Variants in SCNN1A observed in about 807,000 individuals in gnomAD.
SCNN1A encodes the protein sodium channel epithelial 1 subunit alpha, also known as epithelial sodium channel subunit alpha.
SCNN1A carries 65 observed loss-of-function variants against 68.6 expected under a neutral mutation model. The ratio of observed to expected loss-of-function variants is 0.95; its 90% CI spans 0.78 to 1.16. The LOEUF (loss-of-function observed/expected upper bound fraction) is 1.16. Among genes scored for constraint, SCNN1A ranks in the 50% most tolerant of loss-of-function variants. SCNN1A has a pLI of 0.00. For synonymous variants in SCNN1A, 357 were observed against 353.3 expected, an observed-to-expected ratio of 1.01 and a Z score of -0.12; for missense variants, 880 against 865.9, an observed-to-expected ratio of 1.02 and a Z score of -0.20.
rs868530581 is a variant in SCNN1A at position 6,349,275 on chromosome 12, G to A, written c.1439+52C>T. On this transcript the variant is annotated intron_variant, in intron 9 of 12. Transcript: ENST00000228916. Reference sequence around the variant, plus strand: ...GGGGCAGAGCTCTCCCAAATGCTTGGCTCGGTAACCTGTATTCTACCCAAC... The same window carrying A: ...GGGGCAGAGCTCTCCCAAATGCTTGACTCGGTAACCTGTATTCTACCCAAC... 4.3e-6 allele frequency: 7 copies of A among 1,613,024 alleles called. No homozygotes were observed. In the Middle Eastern group the frequency reaches 4.9e-4, roughly 114 times the overall value.
At chr12:6,376,822 C>T (rs530607445), upstream of SCNN1A, among the ~76,000 whole-genome samples, 8 of 152,320 alleles carry the variant, frequency 5.3e-5, no homozygotes, top group South Asian at 1.7e-3. Flanking sequence ...TGGTCACTGG[C>T]TTGTCCTGCC....
chr12:6,366,987 C>A (rs1368234178), intron 2 of SCNN1A, among the ~76,000 whole-genome samples: 5 of 152,122 alleles, frequency 3.3e-5, no homozygotes, highest in Non-Finnish European at 5.9e-5. Context: ...ACCTGTAATT[C>A]CAGAATTTTG....
intron 2 of SCNN1A, among the ~76,000 whole-genome samples, chr12:6,369,553 C>T (rs1948748372): frequency 6.6e-6 from 1 of 152,174 alleles, no homozygotes; most frequent in African/African-American, 2.4e-5. Flanking sequence ...GACGGAATGG[C>T]CGGGCGCGGT....
intron 8 of SCNN1A, among the ~76,000 whole-genome samples, chr12:6,352,628 C>G (rs1948407080): frequency 6.6e-6 from 1 of 152,210 alleles, no homozygotes; most frequent in Admixed American, 6.5e-5. Context: ...TGGGACGTGT[C>G]ACATCCTCCC....
In SCNN1A at chr12:6,351,914, C is replaced by T. The variant is rs1948395082; in HGVS notation, c.1361-2509G>A. Among the ~76,000 whole-genome samples, 1 of 152,024 alleles carries T rather than the reference C, an allele frequency of 6.6e-6. No individual in the cohort carries two copies. The highest frequency in any genetic ancestry group is 6.5e-5 in the Admixed American group (1 of 15,268). Reference sequence around the variant, plus strand: ...GGCTGGGTCTGCAGGTGTGCACCACCATGCCCAGCTAATTTTTGTAAAGAC... The same window carrying T: ...GGCTGGGTCTGCAGGTGTGCACCACTATGCCCAGCTAATTTTTGTAAAGAC... On this transcript the variant is annotated intron_variant, in intron 8 of 12. Transcript: ENST00000228916. This position sits in a 1 kb window ranked among gnomAD's most constrained non-coding sequence, Gnocchi z 4.2.
chr12:6,371,271 A>G (rs1199549565), intron 2 of SCNN1A, among the ~76,000 whole-genome samples: 1 of 151,580 alleles, frequency 6.6e-6, no homozygotes, highest in Non-Finnish European at 1.5e-5. Flanking sequence ...GGGGCTCATT[A>G]ACCTGTTTAC....
intron 3 of SCNN1A, 36 bp downstream of exon 3, chr12:6,363,407 G>A (rs1948615307): frequency 6.7e-7 from 1 of 1,485,924 alleles, no homozygotes; most frequent in Non-Finnish European, 8.9e-7. Context: ...GGGCCGGCGA[G>A]GGGCGGGGCG....
At chr12:6,349,278 C>G in intron 9 of SCNN1A, 49 bp downstream of exon 9, 3 of 1,613,180 alleles carry the variant, frequency 1.9e-6, no homozygotes, top group Non-Finnish European at 2.5e-6. Context: ...ATGCTTGGCT[C>G]GGTAACCTGT....
chr12:6,368,830 C>A (rs1449872012), intron 2 of SCNN1A, among the ~76,000 whole-genome samples: 1 of 152,160 alleles, frequency 6.6e-6, no homozygotes, highest in Non-Finnish European at 1.5e-5. Flanking sequence ...CTGTGTAACT[C>A]GGGGTAAGTG....
chr12:6,359,764 CTTTT>C (rs59652159), intron 4 of SCNN1A, among the ~76,000 whole-genome samples: 4,782 of 76,788 alleles, frequency 0.062, 188 homozygotes, highest in African/African-American at 0.17. Flanking sequence ...TCAGATATTC[CTTTT>C]TTTTTTTTTT....
chr12:6,354,945 G>C (rs1948470883), intron 6 of SCNN1A, 97 bp from the exon 7 acceptor site: 4 of 1,032,200 alleles, frequency 3.9e-6, no homozygotes. Flanking sequence ...ACACCTGCCA[G>C]CCCCTCCTAC....
intron 5 of SCNN1A, 43 bp downstream of exon 5, chr12:6,355,734 G>T: frequency 1.5e-6 from 2 of 1,354,970 alleles, no homozygotes; most frequent in Non-Finnish European, 2.1e-6. Context: ...CAGGTGAGTG[G>T]CTGAAGCAGA....
At position 6,355,341 on chromosome 12, in the gene SCNN1A, T is replaced by C. The variant is rs149430403; in HGVS notation, c.1074A>G (p.Glu358=). 2.4e-5 allele frequency: 38 copies of C among 1,613,792 alleles called. No homozygotes were observed. In the African/African-American group the frequency reaches 4.7e-4, roughly 20 times the overall value. Residue 358 remains glutamate, a synonymous_variant, in exon 6 of 13, where the codon GAA becomes GAG. Transcript: ENST00000228916. ...AGCCACCATCATCCATAAAGGCAGG[T>C]TCATCCTGCCCGTGCACCATTACCC... The part of the protein sequence containing the change: ...GARVMVHGQD[E]PAFMDDGGFN...
chr12:6,373,164 T>A (rs1948823376), intron 2 of SCNN1A, among the ~76,000 whole-genome samples: 1 of 151,744 alleles, frequency 6.6e-6, no homozygotes, highest in Non-Finnish European at 1.5e-5. Flanking sequence ...GGACAGGACG[T>A]CCCACCCTTT....
At chr12:6,363,861 G>A in intron 2 of SCNN1A, 151 bp from the exon 3 acceptor site, 1 of 642,858 alleles carries the variant, frequency 1.6e-6, no homozygotes, top group Non-Finnish European at 2.5e-6. Context: ...CCTCCTGGCC[G>A]TCCGGCGGTG....
rs750550104 is a variant in SCNN1A at position 6,374,409 on chromosome 12, G to A, written c.375C>T (p.Leu125=). ...TGCAGATGGTCACTGCGGGGAAGAC[G>A]AGCTTGTCCGAGTTGAGGTTGATGT... ...SLNINLNSDK[L]VFPAVTICTL... is the part of the protein sequence containing the mutation. The change falls in exon 2 of 13, where the codon CTC becomes CTT. Residue 125 remains leucine (L), a synonymous_variant. Transcript: ENST00000228916. This position sits in a 1 kb window ranked among gnomAD's most constrained non-coding sequence, Gnocchi z 6.2. 22 of 1,614,088 alleles carry A rather than the reference G, an allele frequency of 1.4e-5. No homozygotes were observed. The highest frequency in any genetic ancestry group is 4.5e-5 in the East Asian group (2 of 44,898).
At chr12:6,350,818 C>T (rs1317466278) in intron 8 of SCNN1A, among the ~76,000 whole-genome samples, 1 of 151,882 alleles carries the variant, frequency 6.6e-6, no homozygotes, top group African/African-American at 2.4e-5. Context: ...GCCTGGGCAA[C>T]AGAGTGAGAG....
intron 4 of SCNN1A, among the ~76,000 whole-genome samples, chr12:6,357,415 A>G (rs1333501752): frequency 6.6e-6 from 1 of 152,002 alleles, no homozygotes; most frequent in Non-Finnish European, 1.5e-5. Flanking sequence ...CTCTACCAAA[A>G]ATACAAAAAT....
chr12:6,363,780 G>C (rs1306719928), intron 2 of SCNN1A, 70 bp from the exon 3 acceptor site: 4 of 1,431,810 alleles, frequency 2.8e-6, no homozygotes, highest in Non-Finnish European at 3.7e-6. Context: ...CCGGGGTCAG[G>C]GTCCTCATCT....
Sources: gnomAD v4.1 joint callset for allele counts (sites outside exome capture counted in the v4.1 genomes callset) on GRCh38, gnomAD v4.1.1 for gene constraint, Gnocchi (gnomAD v3.1) non-coding constraint, MANE v1.5 for transcripts, NCBI Gene and HGNC (gene_info 2026-07-23, HGNC 2026-07-21) for gene names.